RBFOX1: variants seen among roughly 807,000 people sequenced by gnomAD.
RBFOX1 encodes the protein RNA binding fox-1 homolog 1.
A neutral mutation model predicts 57.7 loss-of-function variants in RBFOX1; 8 were observed. That is an observed-to-expected ratio of 0.14 (90% confidence interval 0.08 to 0.25). RBFOX1 has a LOEUF of 0.25. Among genes scored for constraint, RBFOX1 ranks in the 10% least tolerant of loss-of-function variants. RBFOX1 has a pLI of 1.00. For synonymous variants in RBFOX1, 326 were observed against 222.4 expected (o/e 1.47, Z -4.15); for missense variants, 611 against 548.5 (o/e 1.11, Z -1.14).
At chr16:7,239,016 C>G (rs377211145) in intron 4 of RBFOX1, among the ~76,000 whole-genome samples, 4 of 152,154 alleles carry the variant, frequency 2.6e-5, no homozygotes, top group Non-Finnish European at 5.9e-5. Context: ...TATACATGTA[C>G]CACACTTTCT....
At chr16:6,544,579 A>G (rs2096869292) in intron 2 of RBFOX1, among the ~76,000 whole-genome samples, 1 of 152,194 alleles carries the variant, frequency 6.6e-6, no homozygotes, top group African/African-American at 2.4e-5. Flanking sequence ...ATTCGATCGT[A>G]TTGATTCAAA....
intron 1 of RBFOX1, chr16:6,038,798 G>C (rs1176506586): frequency 6.7e-6 from 1 of 148,496 alleles, no homozygotes; most frequent in Non-Finnish European, 1.5e-5. Context: ...TTACCACTTG[G>C]GTTGGATTTT....
In RBFOX1 at chr16:6,840,975, G is replaced by A. The variant is rs115081446; in HGVS notation, c.-16+186325G>A. ...TTAGAGTTAAGGGTATCTACCAGGA[G>A]GTGGACACTCACCAGACACTGAATC... On this transcript the variant is annotated intron_variant, in intron 3 of 15. Transcript: ENST00000550418. 2.2e-3 allele frequency among the ~76,000 whole-genome samples: 335 copies of A among 152,072 alleles called. 2 individuals are homozygous for A. The highest frequency in any genetic ancestry group is 7.4e-3 in the African/African-American group (306 of 41,490).
rs191200472 is a variant in RBFOX1 at position 7,147,787 on chromosome 16, C to T, written c.27+95689C>T. 1.2e-4 allele frequency among the ~76,000 whole-genome samples: 19 copies of T among 152,180 alleles called. No individual in the cohort carries two copies. The South Asian group carries it at 1.7e-3, about 13-fold the overall frequency. ...TAGAGCTGCAGTGAACATGTGAGTG[C>T]GTGTGTCTTTTTGGTAGAACGATTT... On this transcript the variant is annotated intron_variant, in intron 4 of 15. Transcript: ENST00000550418.
At chr16:5,571,215 C>CTTTTTTTTT (rs34409151) in intron 2 of RBFOX1, among the ~76,000 whole-genome samples, 21 of 79,806 alleles carry the variant, frequency 2.6e-4, no homozygotes, top group African/African-American at 5.1e-4. Flanking sequence ...CCATCTTTGA[C>CTTTTTTTTT]TTTTTTTTTT....
At chr16:7,209,056 AG>A (rs1275037386) in intron 4 of RBFOX1, among the ~76,000 whole-genome samples, 1 of 151,942 alleles carries the variant, frequency 6.6e-6, no homozygotes, top group African/African-American at 2.4e-5. Context: ...GCACTTTGGG[AG>A]GCCGAGGTGG....
intron 2 of RBFOX1, among the ~76,000 whole-genome samples, chr16:6,418,160 C>T (rs962079740): frequency 6.6e-6 from 1 of 152,184 alleles, no homozygotes; most frequent in South Asian, 2.1e-4. Flanking sequence ...CATTTAACCT[C>T]ATGAGGGAGG....
chr16:7,105,362 G>A lies in RBFOX1; in HGVS notation c.27+53264G>A, dbSNP rs989679936. On this transcript the variant is annotated intron_variant, in intron 4 of 15. Transcript: ENST00000550418. ...TTTATTTTCATAGGTTTCGGGGAAC[G>A]GGTGGTGTTTGGTTACATGAATAAG... Among the ~76,000 whole-genome samples the A allele has an allele frequency of 4.6e-5, 7 of 150,828 alleles. No homozygotes were observed. In the Middle Eastern group the frequency reaches 0.01, roughly 220 times the overall value.
chr16:6,034,769 C>G (rs1386421849), intron 1 of RBFOX1, among the ~76,000 whole-genome samples: 1 of 152,096 alleles, frequency 6.6e-6, no homozygotes, highest in Admixed American at 6.6e-5. Context: ...TTTAATTCCA[C>G]GTTCACATCT....
chr16:5,453,570 G>A (rs528306638), intron 1 of RBFOX1, among the ~76,000 whole-genome samples: 17 of 152,226 alleles, frequency 1.1e-4, no homozygotes, highest in African/African-American at 4.1e-4. Context: ...TGGCTCAGAA[G>A]CTACATGCAT....
At chr16:6,750,766 T>G (rs1349025961) in intron 3 of RBFOX1, among the ~76,000 whole-genome samples, 1 of 152,214 alleles carries the variant, frequency 6.6e-6, no homozygotes, top group Non-Finnish European at 1.5e-5. Flanking sequence ...CTTGCCTTTG[T>G]GGACTAATTA....
At chr16:7,005,904 A>C (rs553788953) in intron 3 of RBFOX1, among the ~76,000 whole-genome samples, 1 of 152,326 alleles carries the variant, frequency 6.6e-6, no homozygotes, top group South Asian at 2.1e-4. Flanking sequence ...ATACCCAGTG[A>C]TATAATTGGT....
intron 11 of RBFOX1, among the ~76,000 whole-genome samples, chr16:7,641,891 G>C (rs533544562): frequency 1.3e-5 from 2 of 152,128 alleles, no homozygotes; most frequent in East Asian, 1.9e-4. Context: ...TGCTTGAGGC[G>C]TTACAGCTCC....
intron 3 of RBFOX1, among the ~76,000 whole-genome samples, chr16:6,910,632 T>A (rs1055389903): frequency 6.6e-6 from 1 of 152,202 alleles, no homozygotes; most frequent in African/African-American, 2.4e-5. Flanking sequence ...CAGTTTCCCA[T>A]CTTTGTCAGT....
chr16:5,731,533 T>G (rs2151563002), intron 3 of RBFOX1, among the ~76,000 whole-genome samples: 1 of 152,308 alleles, frequency 6.6e-6, no homozygotes, highest in South Asian at 2.1e-4. Flanking sequence ...CTCAGTTGTC[T>G]GAGTCCAAAG....
intron 2 of RBFOX1, among the ~76,000 whole-genome samples, chr16:6,530,277 C>G (rs2096638721): frequency 6.6e-6 from 1 of 152,094 alleles, no homozygotes; most frequent in Non-Finnish European, 1.5e-5. Context: ...TCAAGCTCAA[C>G]AGTGTGCTTG....
At chr16:7,562,826 C>G (rs189295142) in intron 5 of RBFOX1, among the ~76,000 whole-genome samples, 33 of 152,348 alleles carry the variant, frequency 2.2e-4, no homozygotes, top group African/African-American at 7.5e-4. Context: ...AAGAAACACT[C>G]TATGCCCACT....
chr16:6,573,742 AG>A (rs1451243611), intron 2 of RBFOX1: 1 of 152,248 alleles, frequency 6.6e-6, no homozygotes, highest in Non-Finnish European at 1.5e-5. Context: ...ACGGGCGCGA[AG>A]CCCGGCTGCG....
chr16:5,241,353 A>C (rs756833425), intron 1 of RBFOX1, among the ~76,000 whole-genome samples: 4 of 150,156 alleles, frequency 2.7e-5, no homozygotes, highest in Non-Finnish European at 5.9e-5. Flanking sequence ...CGATCACGGA[A>C]AGGATGAGAC....
Sources: allele counts gnomAD v4.1 joint callset (sites outside exome capture counted in the v4.1 genomes callset), GRCh38; gene constraint gnomAD v4.1.1; transcripts MANE v1.5; gene names NCBI Gene and HGNC (gene_info 2026-07-23, HGNC 2026-07-21).